Variants in PRKG1 observed in about 807,000 individuals in gnomAD.
PRKG1 encodes cGMP-dependent protein kinase 1.
PRKG1 carries 35 observed loss-of-function variants against 88.1 expected under a neutral mutation model. That is an observed-to-expected ratio of 0.40 (90% CI 0.30 to 0.53). PRKG1 has a LOEUF of 0.53. Ranked by LOEUF, PRKG1 falls within the 20% of genes least tolerant of loss-of-function variation. The pLI, the probability that PRKG1 is intolerant of heterozygous loss-of-function variation, is 0.59. For synonymous variants in PRKG1, 303 were observed against 292.5 expected (o/e 1.04, Z -0.37); for missense variants, 540 against 839.8 (o/e 0.64, Z 4.41).
At chr10:51,869,967 T>C (rs1841114080) in intron 4 of PRKG1, among the ~76,000 whole-genome samples, 1 of 152,180 alleles carries the variant, frequency 6.6e-6, no homozygotes, top group African/African-American at 2.4e-5. Flanking sequence ...TATTTCTCAG[T>C]TACCTTACAA....
At chr10:51,923,520 T>C (rs1326974491) in intron 5 of PRKG1, among the ~76,000 whole-genome samples, 2 of 150,604 alleles carry the variant, frequency 1.3e-5, no homozygotes, top group African/African-American at 2.4e-5. Context: ...TTGCTAATAC[T>C]AATTTTAGCA....
At chr10:51,353,520 T>C (rs1273636414) in intron 2 of PRKG1, among the ~76,000 whole-genome samples, 13 of 152,100 alleles carry the variant, frequency 8.5e-5, no homozygotes, top group Non-Finnish European at 1.6e-4. Flanking sequence ...AAAGAAGACA[T>C]ACAAAATGGC....
chr10:51,905,703 G>A (rs563343150), intron 4 of PRKG1, among the ~76,000 whole-genome samples: 2 of 152,170 alleles, frequency 1.3e-5, no homozygotes, highest in African/African-American at 4.8e-5. Context: ...TTAATGGGGA[G>A]AAATAAGAGA....
At chr10:51,515,077 C>G (rs1408212500) in intron 3 of PRKG1, among the ~76,000 whole-genome samples, 1 of 152,014 alleles carries the variant, frequency 6.6e-6, no homozygotes, top group Non-Finnish European at 1.5e-5. Flanking sequence ...AAACTGACAC[C>G]CTGCCTCCCA....
chr10:51,899,381 T>C (rs750812233), intron 4 of PRKG1, among the ~76,000 whole-genome samples: 29 of 151,622 alleles, frequency 1.9e-4, no homozygotes, highest in Non-Finnish European at 3.7e-4. Context: ...AAAAATAAAA[T>C]AGAAAGGAGT....
intron 4 of PRKG1, among the ~76,000 whole-genome samples, chr10:51,864,254 A>G (rs1840960147): frequency 6.6e-6 from 1 of 152,220 alleles, no homozygotes; most frequent in Non-Finnish European, 1.5e-5. Context: ...GTGTGCTATA[A>G]TAGGCTGCAC....
At chr10:51,068,931 A>G (rs1420553244) in intron 1 of PRKG1, among the ~76,000 whole-genome samples, 1 of 151,950 alleles carries the variant, frequency 6.6e-6, no homozygotes, top group African/African-American at 2.4e-5. Context: ...TTTTACACTT[A>G]TTTCAAAATA....
At chr10:51,592,807 T>G (rs1281674575) in intron 3 of PRKG1, among the ~76,000 whole-genome samples, 9 of 152,188 alleles carry the variant, frequency 5.9e-5, no homozygotes. Context: ...TTCTGACCAG[T>G]TTGTATGCTA....
At chr10:51,845,988 C>A (rs1204454728) in intron 4 of PRKG1, among the ~76,000 whole-genome samples, 1 of 151,920 alleles carries the variant, frequency 6.6e-6, no homozygotes, top group African/African-American at 2.4e-5. Context: ...TGTTTTTCAC[C>A]TTTATGTCTT....
At chr10:52,059,563 A>G (rs918588723) in intron 6 of PRKG1, among the ~76,000 whole-genome samples, 1 of 152,088 alleles carries the variant, frequency 6.6e-6, no homozygotes, top group African/African-American at 2.4e-5. Flanking sequence ...TATTTCATTT[A>G]TATGGCATTC....
intron 3 of PRKG1, among the ~76,000 whole-genome samples, chr10:51,485,437 C>T (rs886704415): frequency 6.6e-6 from 1 of 152,124 alleles, no homozygotes; most frequent in Non-Finnish European, 1.5e-5. Flanking sequence ...TGTCTGTGTA[C>T]CCAGTCTTGG....
chr10:51,563,397 A>G (rs1837521281), intron 3 of PRKG1, among the ~76,000 whole-genome samples: 1 of 152,150 alleles, frequency 6.6e-6, no homozygotes, highest in African/African-American at 2.4e-5. Flanking sequence ...TGGAAACACT[A>G]TGTACCCCAT....
chr10:52,208,434 C>T (rs1839876027), intron 9 of PRKG1, among the ~76,000 whole-genome samples: 1 of 152,190 alleles, frequency 6.6e-6, no homozygotes, highest in Non-Finnish European at 1.5e-5. Flanking sequence ...TTTTCTCTAT[C>T]ACATTTATCA....
chr10:51,298,787 G>C lies in PRKG1; in HGVS notation c.478+145457G>C, dbSNP rs143182039. On this transcript the variant is annotated intron_variant, in intron 2 of 17. Transcript: ENST00000373980. ...TAAAATAAATCTACAATTTGTGTGA[G>C]TGGTAGAATGTGAAGCGATTAAATA... Among the ~76,000 whole-genome samples, 984 of 152,250 alleles carry C rather than the reference G, an allele frequency of 6.5e-3. 4 individuals carry two copies. The highest frequency in any genetic ancestry group is 0.011 in the Non-Finnish European group (717 of 67,998).
intron 3 of PRKG1, among the ~76,000 whole-genome samples, chr10:51,701,898 G>A (rs1841478333): frequency 6.6e-6 from 1 of 152,132 alleles, no homozygotes; most frequent in African/African-American, 2.4e-5. Flanking sequence ...GTCAGATTCT[G>A]CTTTATCAGG....
chr10:52,192,723 A>T (rs1321852964), intron 9 of PRKG1, among the ~76,000 whole-genome samples: 1 of 152,034 alleles, frequency 6.6e-6, no homozygotes, highest in Non-Finnish European at 1.5e-5. Context: ...ACTTTCTAAG[A>T]TATTAAGTAT....
At chr10:51,648,781 A>C (rs916050574) in intron 3 of PRKG1, among the ~76,000 whole-genome samples, 5 of 152,188 alleles carry the variant, frequency 3.3e-5, no homozygotes, top group African/African-American at 1.2e-4. Flanking sequence ...CTTCTCATAA[A>C]AAGTTTGTGG....
chr10:51,660,130 T>TAA (rs36010118), intron 3 of PRKG1, among the ~76,000 whole-genome samples: 150 of 135,728 alleles, frequency 1.1e-3, no homozygotes, highest in East Asian at 1.5e-3. Context: ...GGAAGGGAAT[T>TAA]AAAAAAAAAA....
intron 9 of PRKG1, among the ~76,000 whole-genome samples, chr10:52,212,355 C>A (rs539622357): frequency 6.6e-6 from 1 of 152,088 alleles, no homozygotes; most frequent in Non-Finnish European, 1.5e-5. Context: ...ATGGAGAAAC[C>A]TTTAGGGTGA....
Sources: allele counts gnomAD v4.1 joint callset (sites outside exome capture counted in the v4.1 genomes callset), GRCh38; gene constraint gnomAD v4.1.1; transcripts MANE v1.5; gene names NCBI Gene and HGNC (gene_info 2026-07-23, HGNC 2026-07-21).